The following HMCN1 variants were observed in gnomAD, a reference collection of about 807,000 sequenced individuals.
HMCN1 encodes the protein hemicentin-1.
A neutral mutation model predicts 625.9 loss-of-function variants in HMCN1; 321 were observed. The ratio of observed to expected loss-of-function variants is 0.51; its 90% CI spans 0.47 to 0.56. The LOEUF (loss-of-function observed/expected upper bound fraction) is 0.56. HMCN1 is among the 20% of genes least tolerant of loss of function. The pLI, the probability that HMCN1 is intolerant of heterozygous loss-of-function variation, is 0.00. For missense variants in HMCN1, 6,588 were observed against 6,887.3 expected (o/e 0.96, Z 1.54); for synonymous variants, 2,425 against 2,417.6 (o/e 1.00, Z -0.09).
At chr1:186,171,975 T>G in intron 101 of HMCN1, 31 bp from the exon 102 acceptor site, 1 of 1,605,498 alleles carries the variant, frequency 6.2e-7, no homozygotes, top group Non-Finnish European at 8.5e-7. Context: ...ATAATTTTCT[T>G]AATCTACATT....
chr1:185,856,313 A>G (rs1571453371), intron 2 of HMCN1, among the ~76,000 whole-genome samples: 1 of 151,976 alleles, frequency 6.6e-6, no homozygotes. Context: ...ACCTGGTGAA[A>G]CGCTGTCTCT....
intron 28 of HMCN1, among the ~76,000 whole-genome samples, chr1:186,003,262 C>T (rs1370456840): frequency 6.6e-6 from 1 of 152,084 alleles, no homozygotes; most frequent in African/African-American, 2.4e-5. Context: ...TGTTATATTG[C>T]ATACCAAATT....
intron 10 of HMCN1, 148 bp downstream of exon 10, chr1:185,928,815 T>A: frequency 3.4e-6 from 3 of 871,452 alleles, no homozygotes; most frequent in South Asian, 1.4e-5. Flanking sequence ...ACTCAAATCC[T>A]GTGCTCACCA....
At chr1:185,889,649 A>C (rs1664916974) in intron 4 of HMCN1, among the ~76,000 whole-genome samples, 1 of 138,412 alleles carries the variant, frequency 7.2e-6, no homozygotes, top group Non-Finnish European at 1.5e-5. Context: ...CTTGCATCCC[A>C]GGGATGAAGC....
At chr1:185,773,450 T>G (rs1557956427) in intron 1 of HMCN1, among the ~76,000 whole-genome samples, 2 of 152,192 alleles carry the variant, frequency 1.3e-5, no homozygotes, top group African/African-American at 4.8e-5. Flanking sequence ...GTGATACACT[T>G]ATTGTTATTG....
At chr1:185,838,024 A>G (rs575220216) in intron 1 of HMCN1, among the ~76,000 whole-genome samples, 42 of 152,330 alleles carry the variant, frequency 2.8e-4, no homozygotes, top group Admixed American at 4.6e-4. Flanking sequence ...TCCTCCAGGC[A>G]TGGAGACTGA....
intron 1 of HMCN1, among the ~76,000 whole-genome samples, chr1:185,743,992 T>TG (rs1213751018): frequency 7.2e-6 from 1 of 139,606 alleles, no homozygotes. Flanking sequence ...GTTTTTTTTT[T>TG]TTTTTTTTTT....
At chr1:185,983,113 A>G (rs193229084) in intron 18 of HMCN1, among the ~76,000 whole-genome samples, 3 of 152,246 alleles carry the variant, frequency 2.0e-5, no homozygotes, top group East Asian at 3.9e-4. Flanking sequence ...CTTTAAACAT[A>G]TCTCTCATTA....
At chr1:186,007,319 C>T (rs369531244) in intron 30 of HMCN1, 37 bp downstream of exon 30, 9 of 1,596,760 alleles carry the variant, frequency 5.6e-6, no homozygotes, top group Admixed American at 1.7e-5. Context: ...ATTGTCTGCT[C>T]TCATTATAAG....
chr1:185,997,437 A>G lies in HMCN1; in HGVS notation c.3787A>G (p.Thr1263Ala). ...EITLHVQEPP[T>A]VEDLEPPYNT... ...ATTTATTTTCCTAATAGAACCACCCACAGTGGAAGATCTAGAACCTCCATA... is the reference window on the plus strand; with the variant it reads ...ATTTATTTTCCTAATAGAACCACCCGCAGTGGAAGATCTAGAACCTCCATA... The change falls in exon 25 of 107, where the codon ACA (threonine) becomes GCA (alanine). Residue 1263 changes from threonine (T) to alanine (A), a missense_variant. Physicochemically the swap from Thr to Ala is moderately conservative, Grantham distance 58. Around this residue, in one of 3 missense-constraint regions of HMCN1, gnomAD observed 4,628 missense variants for 4,853.1 expected, o/e 0.95. Transcript: ENST00000271588. The G allele has an allele frequency of 4.4e-6, 7 of 1,607,450 alleles. No homozygotes were observed. The highest frequency in any genetic ancestry group is 6.0e-6 in the Non-Finnish European group (7 of 1,174,480).
At position 186,045,835 on chromosome 1, in the gene HMCN1, G is replaced by A. The variant is rs769993012; in HGVS notation, c.6452G>A (p.Ser2151Asn). The change falls in exon 41 of 107, where the codon AGT becomes AAT. Residue 2151 changes from serine (S) to asparagine (N), a missense_variant. Coordinates refer to ENST00000271588, the MANE Select transcript of HMCN1 (RefSeq NM_031935.3). ...GHPLLKKPGL[S>N]ISENRSVLKI... is the part of the protein sequence containing the mutation. Reference sequence around the variant, plus strand: ...CCCTTGCTGAAGAAACCAGGCCTCAGTATATCTGAAAATAGAAGTGTGTTA... The same window carrying A: ...CCCTTGCTGAAGAAACCAGGCCTCAATATATCTGAAAATAGAAGTGTGTTA... 14 of 1,612,276 alleles carry A rather than the reference G, an allele frequency of 8.7e-6. No individual in the cohort carries two copies. In the South Asian group the frequency reaches 1.1e-4, roughly 13 times the overall value.
intron 4 of HMCN1, among the ~76,000 whole-genome samples, chr1:185,892,646 C>T (rs1307865776): frequency 1.3e-5 from 2 of 152,092 alleles, no homozygotes; most frequent in Admixed American, 6.5e-5. Flanking sequence ...CAGGGACCCA[C>T]TTGAGGAGGC....
intron 11 of HMCN1, among the ~76,000 whole-genome samples, chr1:185,943,517 T>C (rs1668186857): frequency 6.6e-6 from 1 of 152,168 alleles, no homozygotes; most frequent in African/African-American, 2.4e-5. Flanking sequence ...GTTTTTTCCT[T>C]CCTTGTAGAT....
intron 1 of HMCN1, among the ~76,000 whole-genome samples, chr1:185,779,423 C>T (rs374310999): frequency 5.9e-5 from 9 of 152,102 alleles, no homozygotes; most frequent in Non-Finnish European, 5.9e-5. Flanking sequence ...TCCTTGCCCA[C>T]GCCTATGTCC....
intron 1 of HMCN1, among the ~76,000 whole-genome samples, chr1:185,834,553 G>A (rs147096025): frequency 3.9e-5 from 6 of 152,306 alleles, no homozygotes; most frequent in African/African-American, 1.4e-4. Flanking sequence ...TTTCATCAGA[G>A]AGCAAGAGAG....
chr1:186,168,696 T>C (rs540542425), intron 100 of HMCN1, among the ~76,000 whole-genome samples: 1 of 151,916 alleles, frequency 6.6e-6, no homozygotes, highest in African/African-American at 2.4e-5. Context: ...GAGAGAGGGA[T>C]TTGGTTATGA....
At chr1:185,839,744 A>G (rs1212485700) in intron 1 of HMCN1, among the ~76,000 whole-genome samples, 1 of 152,188 alleles carries the variant, frequency 6.6e-6, no homozygotes, top group Admixed American at 6.5e-5. Context: ...ATTTATGTCA[A>G]CAATTTTTTC....
rs150251628 is a variant in HMCN1 at position 186,069,729 on chromosome 1, C to T, written c.7946C>T (p.Thr2649Met). 42 of 1,613,496 alleles carry T rather than the reference C, an allele frequency of 2.6e-5. No homozygotes were observed. The highest frequency in any genetic ancestry group is 1.3e-4 in the African/African-American group (10 of 75,006). Residue 2649 changes from threonine (T) to methionine (M), a missense_variant, in exon 51 of 107, where the codon ACG becomes ATG. By Grantham distance (81) the Thr-to-Met change is moderately conservative (BLOSUM62 -1). Transcript: ENST00000271588. ...DNAGRYSCVA[T>M]NEAGEMIKHY... ...GCTGGAAGATACTCTTGTGTAGCCA[C>T]GAATGAGGCTGGAGAAATGATAAAG...
intron 1 of HMCN1, among the ~76,000 whole-genome samples, chr1:185,844,135 T>G (rs906410180): frequency 1.4e-4 from 21 of 152,206 alleles, no homozygotes; most frequent in African/African-American, 5.1e-4. Context: ...AATTTATATG[T>G]CAGGGTGTAA....
Sources: gnomAD v4.1 joint callset for allele counts (sites outside exome capture counted in the v4.1 genomes callset) on GRCh38, gnomAD v4.1.1 for gene constraint, gnomAD v4.1.1 regional missense constraint, MANE v1.5 for transcripts, NCBI Gene and HGNC (gene_info 2026-07-23, HGNC 2026-07-21) for gene names.